The following MAML2 variants were observed in gnomAD, a reference collection of about 807,000 sequenced individuals.
The protein encoded by MAML2 is mastermind-like protein 2.
In MAML2, 22 loss-of-function variants were observed where a neutral mutation model predicts 96.1. The observed-to-expected ratio is 0.23, with a 90% CI of 0.16 to 0.33. The LOEUF (loss-of-function observed/expected upper bound fraction) is 0.33, where lower values mean the gene tolerates loss of function less well. Among genes scored for constraint, MAML2 ranks in the 10% least tolerant of loss-of-function variants. The probability of loss-of-function intolerance (pLI) is 1.00; values close to 1 mark genes in which losing one functional copy is unlikely to be tolerated. For missense variants in MAML2, 1,367 were observed against 1,392.4 expected, an observed-to-expected ratio of 0.98 and a Z score of 0.29; for synonymous variants, 561 against 521.3, an observed-to-expected ratio of 1.08 and a Z score of -1.04.
chr11:96,262,569 G>A (rs893500033), intron 1 of MAML2, among the ~76,000 whole-genome samples: 2 of 151,898 alleles, frequency 1.3e-5, no homozygotes, highest in Admixed American at 1.3e-4. Flanking sequence ...CCAGGTTGAT[G>A]CCATTCTCCT....
At chr11:96,014,476 T>C (rs1157122063) in intron 2 of MAML2, among the ~76,000 whole-genome samples, 1 of 152,180 alleles carries the variant, frequency 6.6e-6, no homozygotes, top group Non-Finnish European at 1.5e-5. Context: ...CGGTGAACTC[T>C]GAACTGAGAA....
At chr11:96,338,567 C>T (rs1315144060) in intron 1 of MAML2, among the ~76,000 whole-genome samples, 1 of 152,222 alleles carries the variant, frequency 6.6e-6, no homozygotes, top group Non-Finnish European at 1.5e-5. Context: ...TGTCCTTTCA[C>T]CTTCATTCAA....
At chr11:96,036,319 G>A (rs968441450) in intron 2 of MAML2, among the ~76,000 whole-genome samples, 14 of 152,156 alleles carry the variant, frequency 9.2e-5, no homozygotes, top group Admixed American at 9.2e-4. Context: ...AGGGGTAGAA[G>A]GGCACTTTAA....
At chr11:96,202,177 C>CAAAAA (rs35124521) in intron 1 of MAML2, among the ~76,000 whole-genome samples, 1 of 75,872 alleles carries the variant, frequency 1.3e-5, no homozygotes, top group Non-Finnish European at 2.4e-5. Flanking sequence ...ACTAAAAATA[C>CAAAAA]AAAAAAAAAA....
chr11:96,124,724 C>T (rs1411221951), intron 1 of MAML2, among the ~76,000 whole-genome samples: 1 of 152,032 alleles, frequency 6.6e-6, no homozygotes, highest in Non-Finnish European at 1.5e-5. Flanking sequence ...AGAGAGACTG[C>T]ACATGAACGG....
chr11:96,282,077 A>G (rs1000760694), intron 1 of MAML2, among the ~76,000 whole-genome samples: 6 of 151,712 alleles, frequency 4.0e-5, no homozygotes, highest in Non-Finnish European at 8.8e-5. Flanking sequence ...GTGAAACCCC[A>G]TCTCTACTAA....
At chr11:96,286,908 C>T (rs1678315670) in intron 1 of MAML2, among the ~76,000 whole-genome samples, 2 of 152,148 alleles carry the variant, frequency 1.3e-5, no homozygotes, top group Admixed American at 6.5e-5. Flanking sequence ...CCATATCAGC[C>T]GGTGATCTCA....
intron 1 of MAML2, among the ~76,000 whole-genome samples, chr11:96,143,566 G>A (rs562601491): frequency 6.6e-6 from 1 of 152,248 alleles, no homozygotes; most frequent in South Asian, 2.1e-4. Flanking sequence ...ACTTTGGTCC[G>A]TGGGTTTCTG....
At chr11:96,155,521 T>TAG (rs1860997131) in intron 1 of MAML2, among the ~76,000 whole-genome samples, 4 of 55,984 alleles carry the variant, frequency 7.1e-5, no homozygotes, top group Admixed American at 1.9e-4. Context: ...TATATATATA[T>TAG]ATATATATAT....
chr11:96,215,188 G>C (rs1297015347), intron 1 of MAML2, among the ~76,000 whole-genome samples: 4 of 152,222 alleles, frequency 2.6e-5, no homozygotes, highest in Non-Finnish European at 1.5e-5. Flanking sequence ...GTTGAAAAGA[G>C]GGTGGGCTGG....
intron 2 of MAML2, among the ~76,000 whole-genome samples, chr11:95,996,655 T>G (rs1167311722): frequency 6.6e-6 from 1 of 152,210 alleles, no homozygotes. Flanking sequence ...TGAAGTAATA[T>G]TTCACTGCTC....
chr11:96,031,842 T>C (rs630761), intron 2 of MAML2, among the ~76,000 whole-genome samples: 5,361 of 151,930 alleles, frequency 0.035, 305 homozygotes, highest in African/African-American at 0.12. Flanking sequence ...AAAAATTAGC[T>C]GGGCATGGTG....
intron 1 of MAML2, among the ~76,000 whole-genome samples, chr11:96,211,982 A>G (rs1183559182): frequency 6.6e-6 from 1 of 152,184 alleles, no homozygotes; most frequent in African/African-American, 2.4e-5. Flanking sequence ...TAAAATAGGA[A>G]AGCGATGTGC....
chr11:96,170,694 A>G (rs192088535), intron 1 of MAML2, among the ~76,000 whole-genome samples: 2 of 152,206 alleles, frequency 1.3e-5, no homozygotes, highest in Admixed American at 1.3e-4. Flanking sequence ...GATGAGGGAG[A>G]AGGGTGGCTT....
At chr11:96,047,368 T>TA (rs1858918432) in intron 2 of MAML2, among the ~76,000 whole-genome samples, 1 of 152,186 alleles carries the variant, frequency 6.6e-6, no homozygotes, top group Non-Finnish European at 1.5e-5. Flanking sequence ...CATTTTATAA[T>TA]AAAAAACCTT....
At chr11:96,135,539 C>A (rs1860614638) in intron 1 of MAML2, among the ~76,000 whole-genome samples, 1 of 104,006 alleles carries the variant, frequency 9.6e-6, no homozygotes, top group African/African-American at 3.3e-5. Context: ...AGGTCCCAAT[C>A]CAAGGCTTTT....
chr11:96,314,025 G>T (rs953105028), intron 1 of MAML2, among the ~76,000 whole-genome samples: 1 of 152,132 alleles, frequency 6.6e-6, no homozygotes, highest in African/African-American at 2.4e-5. Context: ...TTCTAAATTT[G>T]TTTGTCTTCT....
intron 1 of MAML2, among the ~76,000 whole-genome samples, chr11:96,315,054 T>C (rs969518794): frequency 5.3e-5 from 8 of 152,248 alleles, no homozygotes; most frequent in Non-Finnish European, 1.0e-4. Flanking sequence ...CTGAGATAGA[T>C]AGTATGAGTT....
chr11:96,007,952 A>G (rs924700868), intron 2 of MAML2, among the ~76,000 whole-genome samples: 1 of 151,018 alleles, frequency 6.6e-6, no homozygotes, highest in Non-Finnish European at 1.5e-5. Context: ...GGTGCAGCGC[A>G]CCAGCATGGC....
Sources: allele counts gnomAD v4.1 joint callset (sites outside exome capture counted in the v4.1 genomes callset), GRCh38; gene constraint gnomAD v4.1.1; transcripts MANE v1.5; gene names NCBI Gene and HGNC (gene_info 2026-07-23, HGNC 2026-07-21).